Variants in SLC9A3 observed in about 807,000 individuals in gnomAD.
SLC9A3 encodes the protein sodium/hydrogen exchanger 3.
Under a neutral mutation model 86.8 loss-of-function variants are expected in SLC9A3, and 37 were observed. The ratio of observed to expected loss-of-function variants is 0.43; its 90% confidence interval spans 0.33 to 0.56. The LOEUF (loss-of-function observed/expected upper bound fraction) is 0.56, where lower values mean the gene tolerates loss of function less well. Ranked by LOEUF, SLC9A3 falls within the 20% of genes least tolerant of loss-of-function variation. The probability of loss-of-function intolerance (pLI) is 0.06; values close to 1 mark genes in which losing one functional copy is unlikely to be tolerated. For synonymous variants in SLC9A3, 581 were observed against 528.3 expected, an observed-to-expected ratio of 1.10 and a Z score of -1.37; for missense variants, 1,011 against 1,171.9, an observed-to-expected ratio of 0.86 and a Z score of 2.00.
chr5:491,722 C>T lies in SLC9A3; in HGVS notation c.514+47G>A, dbSNP rs773719889. On this transcript the variant is annotated intron_variant, in intron 2 of 16. Transcript: ENST00000264938. The surrounding 1 kb of genome is among the most constrained non-coding windows in gnomAD (Gnocchi z 9.2). Reference sequence around the variant, plus strand: ...TGAGATGAGGCAGCGCCGCCCCTCCCGGACCCCACCCTGATCCCGGCCGGG... The same window carrying T: ...TGAGATGAGGCAGCGCCGCCCCTCCTGGACCCCACCCTGATCCCGGCCGGG... The T allele has an allele frequency of 8.4e-5, 123 of 1,463,346 alleles. No homozygotes were observed. Among genetic ancestry groups the T allele is most frequent in the Admixed American group, 5.3e-4 (23 of 43,764 alleles). The allele number at this position is 1,463,346 out of a possible 1,614,324, so 90.6% of individuals were successfully genotyped here.
intron 1 of SLC9A3, among the ~76,000 whole-genome samples, chr5:509,561 T>C (rs1740786349): frequency 6.6e-6 from 1 of 151,836 alleles, no homozygotes; most frequent in Admixed American, 6.6e-5. Context: ...TGGTCCCATG[T>C]GGGCCGAACG....
At chr5:504,486 C>T (rs1175745700) in intron 1 of SLC9A3, among the ~76,000 whole-genome samples, 1 of 152,204 alleles carries the variant, frequency 6.6e-6, no homozygotes, top group African/African-American at 2.4e-5. Context: ...ACAGCCTCCT[C>T]CAGTGTGTCC....
chr5:515,324 T>G (rs1733697778), intron 1 of SLC9A3, among the ~76,000 whole-genome samples: 1 of 152,012 alleles, frequency 6.6e-6, no homozygotes, highest in Admixed American at 6.5e-5. Flanking sequence ...CTCCTTCCTT[T>G]CAGGCCCCTG....
chr5:496,431 C>A lies in SLC9A3; in HGVS notation c.212-4360G>T, dbSNP rs1187312025. Among the ~76,000 whole-genome samples the A allele has an allele frequency of 6.6e-6, 1 of 152,232 alleles. No homozygotes were observed. Among genetic ancestry groups the A allele is most frequent in the South Asian group, 2.1e-4 (1 of 4,834 alleles). On this transcript the variant is annotated intron_variant, in intron 1 of 16. Coordinates refer to ENST00000264938, the MANE Select transcript of SLC9A3 (RefSeq NM_004174.4). The surrounding 1 kb of genome is among the most constrained non-coding windows in gnomAD (Gnocchi z 4.7). ...ACCTGTGGGTGACGCGTGAACGACC[C>A]CGTTCTGTGAAAGTGTCGGCTTGCT...
At position 472,672 on chromosome 5, in the gene SLC9A3, A is replaced by G. The variant is rs1455056421; in HGVS notation, c.*707T>C. On this transcript the variant is annotated 3_prime_UTR_variant, in exon 17 of 17. Transcript: ENST00000264938. ...TGAGCAGACGGAAGACGTTCCTGCC[A>G]CTTTACCTGCAGTTCAAAGACCTGG... 1 of 500,082 alleles carries G rather than the reference A, an allele frequency of 2.0e-6. No individual in the cohort carries two copies. The highest frequency in any genetic ancestry group is 5.5e-5 in the East Asian group (1 of 18,282). 31.0% of individuals were successfully genotyped at this position (500,082 alleles called of 1,614,324 possible).
rs2278247 is a variant in SLC9A3 at position 483,248 on chromosome 5, C to T, written c.1153+14G>A. ...CATCGGTGGTCCCACGGCCGCAACC[C>T]GGCCCCGCCTCACCGATGGCCCGGT... On this transcript the variant is annotated intron_variant, in intron 6 of 16. Transcript: ENST00000264938. 4.9e-4 allele frequency: 757 copies of T among 1,530,580 alleles called. 8 individuals are homozygous for T. The East Asian group carries it at 0.013, about 26-fold the overall frequency. 94.8% of individuals were successfully genotyped at this position (1,530,580 alleles called of 1,614,324 possible).
At chr5:473,508 G>A in intron 16 of SLC9A3, 126 bp from the exon 17 acceptor site, 1 of 800,680 alleles carries the variant, frequency 1.2e-6, no homozygotes, top group Non-Finnish European at 1.7e-6. Flanking sequence ...CGCACCCCAG[G>A]CTCGGCGTCC....
In SLC9A3 at chr5:482,756, G is replaced by A. The variant is rs768606010; in HGVS notation, c.1154-6C>T. The A allele has an allele frequency of 3.0e-5, 47 of 1,592,322 alleles. No individual in the cohort carries two copies. The Admixed American group carries it at 7.7e-4, about 26-fold the overall frequency. ...CCAGGTCTGCAGGACCACACCTGCG[G>A]ATGATGGGGCGGGCACTCAGCTCCC... On this transcript the variant is annotated splice_region_variant and splice_polypyrimidine_tract_variant and intron_variant, in intron 6 of 16. Coordinates refer to ENST00000264938, the MANE Select transcript of SLC9A3 (RefSeq NM_004174.4).
intron 16 of SLC9A3, among the ~76,000 whole-genome samples, chr5:474,204 C>G (rs1738571293): frequency 1.3e-5 from 1 of 75,654 alleles, no homozygotes; most frequent in African/African-American, 6.1e-5. Flanking sequence ...AGAGAGAGAA[C>G]CAGGTTCCGG....
At chr5:504,162 G>A (rs1740435432) in intron 1 of SLC9A3, among the ~76,000 whole-genome samples, 1 of 152,260 alleles carries the variant, frequency 6.6e-6, no homozygotes, top group Non-Finnish European at 1.5e-5. Flanking sequence ...TTCCAGCAAG[G>A]AGACAGCGTC....
In SLC9A3 at chr5:470,925, T is replaced by C. The variant is rs1738318830; in HGVS notation, c.*2454A>G. Reference sequence around the variant, plus strand: ...TCCTAAGGAAATACATTCATAAGACTGTTTACCTTCTGTTTGACAGCAGTG... The same window carrying C: ...TCCTAAGGAAATACATTCATAAGACCGTTTACCTTCTGTTTGACAGCAGTG... On this transcript the variant is annotated 3_prime_UTR_variant, in exon 17 of 17. Coordinates refer to ENST00000264938, the MANE Select transcript of SLC9A3 (RefSeq NM_004174.4). 1.3e-5 allele frequency: 2 copies of C among 152,366 alleles called. No homozygotes were observed. Among genetic ancestry groups the C allele is most frequent in the Admixed American group, 6.5e-5 (1 of 15,278 alleles). 9.4% of individuals were successfully genotyped at this position (152,366 alleles called of 1,614,324 possible). A position where few individuals can be genotyped will look rare whatever the true frequency, so the allele number is the denominator to read the frequency against.
At position 476,759 on chromosome 5, in the gene SLC9A3, G is replaced by C. The variant is rs1738769520; in HGVS notation, c.1761-87C>G. The stretch of plus-strand genomic sequence containing the variant: ...CTCGCCTTCCCACGGCGGGCATCTG[G>C]CCCTGGCTGCCTCCTGCGTGCCCCT... On this transcript the variant is annotated intron_variant, in intron 11 of 16. Transcript: ENST00000264938. 9 of 1,511,986 alleles carry C rather than the reference G, an allele frequency of 6.0e-6. No homozygotes were observed. In the East Asian group the frequency reaches 2.1e-4, roughly 35 times the overall value. 93.7% of individuals were successfully genotyped at this position (1,511,986 alleles called of 1,614,324 possible).
intron 1 of SLC9A3, among the ~76,000 whole-genome samples, chr5:504,481 C>T (rs1463959210): frequency 6.6e-6 from 1 of 152,222 alleles, no homozygotes; most frequent in Middle Eastern, 3.2e-3. Context: ...ACTCCACAGC[C>T]TCCTCCAGTG....
At chr5:479,627 G>A in intron 10 of SLC9A3, 1 of 562,592 alleles carries the variant, frequency 1.8e-6, no homozygotes, top group African/African-American at 1.9e-5. Context: ...CAGCACCACA[G>A]TCACCAGGAC....
chr5:487,043 CCG>C (rs1739513418), intron 3 of SLC9A3, among the ~76,000 whole-genome samples: 3 of 6,624 alleles, frequency 4.5e-4, no homozygotes, highest in African/African-American at 7.4e-4. Flanking sequence ...CTGACACCCA[CCG>C]CACTGACACC....
intron 10 of SLC9A3, 65 bp from the exon 11 acceptor site, chr5:477,509 G>A (rs1312018606): frequency 4.8e-6 from 6 of 1,246,550 alleles, no homozygotes; most frequent in African/African-American, 4.6e-5. Context: ...GCCATTGTGT[G>A]CCCTGGGGGG....
Position 475,573 on chromosome 5 carries a change from C to CGGA in SLC9A3, c.2236_2238dup (p.Ser746dup). 6.5e-7 allele frequency: 1 copy of CGGA among 1,547,160 alleles called. No individual in the cohort carries two copies. Among genetic ancestry groups the CGGA allele is most frequent in the Non-Finnish European group, 8.8e-7 (1 of 1,142,800 alleles). Reference sequence around the variant, plus strand: ...GCCCCGTCCCCACCTGCAGGGGAGTCGGACGCTGTGTCCTTGGTGACACTA... The same window carrying CGGA: ...GCCCCGTCCCCACCTGCAGGGGAGTCGGAGGACGCTGTGTCCTTGGTGACACTA... On this transcript the variant is annotated inframe_insertion, in exon 15 of 17. Coordinates refer to ENST00000264938, the MANE Select transcript of SLC9A3 (RefSeq NM_004174.4).
Position 476,036 on chromosome 5 carries a change from G to A in SLC9A3, c.2124C>T (p.Phe708=). The A allele has an allele frequency of 6.2e-7, 1 of 1,612,716 alleles. No homozygotes were observed. Among genetic ancestry groups the A allele is most frequent in the African/African-American group, 1.3e-5 (1 of 75,040 alleles). ...KLPMESPAQN[F]TIKEKDLELS... is the part of the protein sequence containing the mutation. Reference sequence around the variant, plus strand: ...CCAGCGCACCTTTCTCCTTGATGGTGAAATTCTGCGCAGGGCTCTCCATGG... The same window carrying A: ...CCAGCGCACCTTTCTCCTTGATGGTAAAATTCTGCGCAGGGCTCTCCATGG... Residue 708 remains phenylalanine, a synonymous_variant, in exon 14 of 17, where the codon TTC becomes TTT. Coordinates refer to ENST00000264938, the MANE Select transcript of SLC9A3 (RefSeq NM_004174.4).
intron 1 of SLC9A3, among the ~76,000 whole-genome samples, chr5:500,798 C>T (rs1422800352): frequency 2.6e-5 from 2 of 76,958 alleles, no homozygotes. Flanking sequence ...GTGGAAGGGG[C>T]TGGTGTGGAT....
Sources: allele counts gnomAD v4.1 joint callset (sites outside exome capture counted in the v4.1 genomes callset), GRCh38; gene constraint gnomAD v4.1.1; non-coding constraint Gnocchi (gnomAD v3.1); transcripts MANE v1.5; gene names NCBI Gene and HGNC (gene_info 2026-07-23, HGNC 2026-07-21).